The following HCN1 variants were observed in gnomAD, a reference collection of about 807,000 sequenced individuals.
HCN1 encodes potassium/sodium hyperpolarization-activated cyclic nucleotide-gated channel 1.
In HCN1, 13 loss-of-function variants were observed where a neutral mutation model predicts 78.9. That is an observed-to-expected ratio of 0.16 (90% CI 0.11 to 0.26). HCN1 has a LOEUF of 0.26. Ranked by LOEUF, HCN1 falls within the 10% of genes least tolerant of loss-of-function variation. HCN1 has a pLI of 1.00. For synonymous variants in HCN1, 552 were observed against 455.5 expected (o/e 1.21, Z -2.70); for missense variants, 810 against 1,154.3 (o/e 0.70, Z 4.32).
chr5:45,396,801 T>C (rs1317103981), intron 3 of HCN1, 91 bp from the exon 4 acceptor site: 3 of 919,926 alleles, frequency 3.3e-6, no homozygotes, highest in Admixed American at 1.8e-5. Flanking sequence ...CATTATAAAA[T>C]ACTGAATACT....
chr5:45,461,786 C>T (rs920912772), intron 3 of HCN1, 60 bp downstream of exon 3: 8 of 1,394,970 alleles, frequency 5.7e-6, no homozygotes, highest in African/African-American at 4.3e-5. Flanking sequence ...AACATAATTA[C>T]TTAAAAGGTT....
At chr5:45,450,543 TAATC>T (rs956109035) in intron 3 of HCN1, among the ~76,000 whole-genome samples, 3 of 152,208 alleles carry the variant, frequency 2.0e-5, no homozygotes, top group Non-Finnish European at 4.4e-5. Context: ...AGTTATTTAT[TAATC>T]AATACAGACA....
At chr5:45,555,767 G>T (rs1242549625) in intron 2 of HCN1, among the ~76,000 whole-genome samples, 1 of 150,748 alleles carries the variant, frequency 6.6e-6, no homozygotes, top group African/African-American at 2.4e-5. Flanking sequence ...TGAGCAAAAA[G>T]AACAAAACTG....
chr5:45,347,190 A>C (rs1388862387), intron 5 of HCN1, among the ~76,000 whole-genome samples: 1 of 152,228 alleles, frequency 6.6e-6, no homozygotes, highest in Non-Finnish European at 1.5e-5. Flanking sequence ...ACGATCAGAC[A>C]GCAGAATTTG....
intron 2 of HCN1, among the ~76,000 whole-genome samples, chr5:45,498,285 C>T (rs1742095031): frequency 6.6e-6 from 1 of 152,084 alleles, no homozygotes; most frequent in Non-Finnish European, 1.5e-5. Flanking sequence ...TTGCTCGTTT[C>T]TTTTTATTCT....
chr5:45,535,488 C>T (rs1742947008), intron 2 of HCN1, among the ~76,000 whole-genome samples: 1 of 152,078 alleles, frequency 6.6e-6, no homozygotes, highest in Non-Finnish European at 1.5e-5. Context: ...ATCCCAGCTA[C>T]TTGGGTGGCT....
chr5:45,490,030 T>G (rs1418378341), intron 2 of HCN1, among the ~76,000 whole-genome samples: 1 of 152,216 alleles, frequency 6.6e-6, no homozygotes, highest in Non-Finnish European at 1.5e-5. Context: ...GCAAACCTAC[T>G]GACAATACTT....
intron 3 of HCN1, among the ~76,000 whole-genome samples, chr5:45,406,219 T>C (rs6414906): frequency 0.5 from 76,378 of 151,964 alleles, 20,643 homozygotes; most frequent in African/African-American, 0.7. Context: ...GCTTTTCAAG[T>C]AAATCAAATA....
chr5:45,480,284 T>C (rs886447141), intron 2 of HCN1: 1 of 152,306 alleles, frequency 6.6e-6, no homozygotes, highest in Non-Finnish European at 1.5e-5. Flanking sequence ...TGACACCCCA[T>C]GCTTCCATTC....
chr5:45,525,321 C>T (rs895312737), intron 2 of HCN1, among the ~76,000 whole-genome samples: 1 of 151,764 alleles, frequency 6.6e-6, no homozygotes, highest in African/African-American at 2.4e-5. Context: ...AGCAAACATA[C>T]AAAGTATTAT....
intron 2 of HCN1, among the ~76,000 whole-genome samples, chr5:45,612,021 A>C (rs1221352997): frequency 1.3e-5 from 2 of 152,206 alleles, no homozygotes; most frequent in African/African-American, 2.4e-5. Context: ...GAAATATTTG[A>C]ATCCTATTCC....
chr5:45,501,903 C>A (rs1742197313), intron 2 of HCN1, among the ~76,000 whole-genome samples: 1 of 152,106 alleles, frequency 6.6e-6, no homozygotes, highest in Non-Finnish European at 1.5e-5. Context: ...TTAGACTCTT[C>A]TTCTCCATGT....
At chr5:45,665,171 C>G (rs1471533358) in intron 1 of HCN1, among the ~76,000 whole-genome samples, 1 of 151,712 alleles carries the variant, frequency 6.6e-6, no homozygotes, top group African/African-American at 2.4e-5. Context: ...AATTGGAAAT[C>G]ATCATTCTCA....
chr5:45,407,870 C>T (rs1017020756), intron 3 of HCN1, among the ~76,000 whole-genome samples: 2 of 152,112 alleles, frequency 1.3e-5, no homozygotes, highest in African/African-American at 2.4e-5. Flanking sequence ...CTCCTGAAGA[C>T]ATTCCAGTGG....
intron 6 of HCN1, among the ~76,000 whole-genome samples, chr5:45,294,974 C>T (rs1354967410): frequency 6.6e-6 from 1 of 152,008 alleles, no homozygotes; most frequent in Non-Finnish European, 1.5e-5. Flanking sequence ...ACTCATTTTC[C>T]TCATATTTAA....
intron 3 of HCN1, among the ~76,000 whole-genome samples, chr5:45,417,999 A>T (rs560126502): frequency 6.6e-6 from 1 of 151,910 alleles, no homozygotes; most frequent in Admixed American, 6.6e-5. Flanking sequence ...TGGGCATGGA[A>T]TGTCTCTTAT....
chr5:45,374,117 A>T (rs185090975), intron 4 of HCN1, among the ~76,000 whole-genome samples: 18,506 of 103,012 alleles, frequency 0.18, 1,983 homozygotes, highest in East Asian at 0.35. Flanking sequence ...TATATACATA[A>T]TATATATAAT....
chr5:45,288,814 G>T (rs570609250), intron 6 of HCN1, among the ~76,000 whole-genome samples: 17 of 152,042 alleles, frequency 1.1e-4, no homozygotes, highest in African/African-American at 3.9e-4. Context: ...TGAAGGGAGG[G>T]TCTAAATTTA....
At chr5:45,579,288 C>T (rs1310700350) in intron 2 of HCN1, among the ~76,000 whole-genome samples, 1 of 151,912 alleles carries the variant, frequency 6.6e-6, no homozygotes, top group African/African-American at 2.4e-5. Context: ...AGTATTGTTT[C>T]CTTTATACCA....
Sources: allele counts gnomAD v4.1 joint callset (sites outside exome capture counted in the v4.1 genomes callset), GRCh38; gene constraint gnomAD v4.1.1; transcripts MANE v1.5; gene names NCBI Gene and HGNC (gene_info 2026-07-23, HGNC 2026-07-21).